The following PCLO variants were observed in gnomAD, a reference collection of about 807,000 sequenced individuals.
PCLO encodes protein piccolo.
A neutral mutation model predicts 427.5 loss-of-function variants in PCLO; 82 were observed. That is an observed-to-expected ratio of 0.19 (90% CI 0.16 to 0.23). The LOEUF is 0.23. PCLO is among the 10% of genes least tolerant of loss of function. PCLO has a pLI of 1.00. For missense variants in PCLO, 6,239 were observed against 6,115.9 expected (o/e 1.02, Z -0.67); for synonymous variants, 2,357 against 2,155.4 (o/e 1.09, Z -2.59).
intron 3 of PCLO, among the ~76,000 whole-genome samples, chr7:82,998,565 C>T (rs1248654127): frequency 1.3e-5 from 2 of 151,842 alleles, no homozygotes; most frequent in African/African-American, 4.8e-5. Flanking sequence ...CCAGGCCTCT[C>T]TAGATATCCT....
chr7:82,938,467 C>CA (rs1335149024), intron 6 of PCLO, among the ~76,000 whole-genome samples: 1 of 151,880 alleles, frequency 6.6e-6, no homozygotes, highest in African/African-American at 2.4e-5. Context: ...TTTAGTCTCT[C>CA]AATGTCAAGT....
intron 20 of PCLO, among the ~76,000 whole-genome samples, chr7:82,808,226 C>T (rs868060742): frequency 1.1e-4 from 16 of 151,638 alleles, no homozygotes; most frequent in African/African-American, 3.1e-4. Context: ...CAAAGATAAA[C>T]CTTAATTATT....
At chr7:82,782,590 T>G (rs1790896137) in intron 22 of PCLO, among the ~76,000 whole-genome samples, 1 of 152,174 alleles carries the variant, frequency 6.6e-6, no homozygotes, top group Non-Finnish European at 1.5e-5. Context: ...CTGGAAATAG[T>G]TTTCATGTCA....
intron 3 of PCLO, among the ~76,000 whole-genome samples, chr7:82,990,199 T>C (rs41565): frequency 0.74 from 112,345 of 151,552 alleles, 42,028 homozygotes; most frequent in East Asian, 0.92. Flanking sequence ...TATACAAGAC[T>C]ATTGAGGATC....
chr7:83,019,187 G>A (rs183938881), intron 3 of PCLO, among the ~76,000 whole-genome samples: 15 of 152,114 alleles, frequency 9.9e-5, no homozygotes, highest in Admixed American at 9.8e-4. Context: ...AAATGTTAAA[G>A]AATTTTTAGT....
Position 82,841,472 on chromosome 7 carries a change from G to A in PCLO, c.14084C>T (p.Thr4695Ile). 1 of 1,599,518 alleles carries A rather than the reference G, an allele frequency of 6.3e-7. No individual in the cohort carries two copies. Among genetic ancestry groups the A allele is most frequent in the Non-Finnish European group, 8.6e-7 (1 of 1,167,592 alleles). ...DGTKVVSHPI[T>I]GEIQLQINYD... ...AAAACTTCATACCTGAATTTCTCCT[G>A]TAATTGGATGAGAGACAACCTTTGT... is the stretch of plus-strand genomic sequence containing the variant. Residue 4695 changes from threonine (T) to isoleucine (I), a missense_variant, in exon 14 of 25, where the codon ACA becomes ATA. Transcript: ENST00000333891.
intron 3 of PCLO, among the ~76,000 whole-genome samples, chr7:83,082,518 T>C (rs920576477): frequency 6.6e-6 from 1 of 151,708 alleles, no homozygotes; most frequent in Non-Finnish European, 1.5e-5. Flanking sequence ...GAGGTGGATA[T>C]GAAGAAGGGA....
intron 3 of PCLO, among the ~76,000 whole-genome samples, chr7:82,980,103 AG>A (rs1236138995): frequency 6.6e-6 from 1 of 152,038 alleles, no homozygotes; most frequent in African/African-American, 2.4e-5. Context: ...AGTCACCTGA[AG>A]ATACTTGAGA....
rs376696402 is a variant in PCLO at position 82,901,169 on chromosome 7, T to C, written c.13528+1482A>G. On this transcript the variant is annotated intron_variant, in intron 9 of 24. Transcript: ENST00000333891. ...AAAAGAATGATGCAAGTATGTACCA[T>C]TTAGTACCTCCTCATATTAATGATC... 2.0e-5 allele frequency among the ~76,000 whole-genome samples: 3 copies of C among 152,052 alleles called. 1 individual carries two copies.
chr7:83,160,297 G>T (rs1451863102), intron 1 of PCLO, among the ~76,000 whole-genome samples: 3 of 152,086 alleles, frequency 2.0e-5, no homozygotes, highest in African/African-American at 7.2e-5. Context: ...AAAAACCCAT[G>T]CTGTCAATCT....
intron 3 of PCLO, among the ~76,000 whole-genome samples, chr7:83,031,715 TC>T (rs1329014858): frequency 2.3e-5 from 1 of 42,852 alleles, no homozygotes; most frequent in Non-Finnish European, 1.0e-4. Context: ...AGTCTTAATC[TC>T]TCTCTCTCTC....
At chr7:83,147,068 TA>T (rs554249133) in intron 2 of PCLO, among the ~76,000 whole-genome samples, 16,125 of 131,794 alleles carry the variant, frequency 0.12, 950 homozygotes, top group South Asian at 0.2. Flanking sequence ...AAAAAAAAAA[TA>T]AAAAAAAAAA....
In PCLO at chr7:82,968,689, T is replaced by C. The variant is rs140832975; in HGVS notation, c.3301-2202A>G. Among the ~76,000 whole-genome samples the C allele has an allele frequency of 9.1e-3, 1,383 of 152,128 alleles. 18 individuals carry two copies. Among genetic ancestry groups the C allele is most frequent in the African/African-American group, 0.032 (1,319 of 41,504 alleles). On this transcript the variant is annotated intron_variant, in intron 3 of 24. Coordinates refer to ENST00000333891, the MANE Select transcript of PCLO (RefSeq NM_033026.6). Reference sequence around the variant, plus strand: ...TACACGCCACCATACCCAGCTATTTTTTGCATTTTTAGTAGAGACGGGGTT... The same window carrying C: ...TACACGCCACCATACCCAGCTATTTCTTGCATTTTTAGTAGAGACGGGGTT...
intron 3 of PCLO, among the ~76,000 whole-genome samples, chr7:83,038,452 G>T (rs1274283988): frequency 1.3e-5 from 2 of 151,614 alleles, no homozygotes; most frequent in Non-Finnish European, 1.5e-5. Flanking sequence ...GATAATGCTG[G>T]ACATTTTATA....
chr7:82,839,893 G>T (rs1792324027), intron 14 of PCLO, among the ~76,000 whole-genome samples: 2 of 151,168 alleles, frequency 1.3e-5, no homozygotes, highest in African/African-American at 4.9e-5. Flanking sequence ...ATGAGCCTTT[G>T]CTAAAATAAA....
chr7:83,129,409 A>C (rs1266394565), intron 3 of PCLO, among the ~76,000 whole-genome samples: 2 of 152,314 alleles, frequency 1.3e-5, no homozygotes, highest in East Asian at 3.9e-4. Flanking sequence ...GTAATCAAAA[A>C]TATAAGGCAA....
chr7:82,768,243 C>T (rs554338345), intron 22 of PCLO, among the ~76,000 whole-genome samples: 28 of 151,814 alleles, frequency 1.8e-4, no homozygotes, highest in African/African-American at 6.8e-4. Context: ...GCCAACATGG[C>T]AAAAACCCGT....
chr7:83,016,789 C>T (rs1788219785), intron 3 of PCLO, among the ~76,000 whole-genome samples: 2 of 152,086 alleles, frequency 1.3e-5, no homozygotes, highest in Admixed American at 6.6e-5. Flanking sequence ...ACGCTGCGTA[C>T]TGGGTTTAGC....
rs1373345638 is a variant in PCLO, at chr7:83,134,596, T to C, written c.2954A>G (p.Gln985Arg). The change falls in exon 3 of 25, where the codon CAA becomes CGA. Residue 985 changes from glutamine to arginine, a missense_variant. Physicochemically the swap from Gln to Arg is conservative, Grantham distance 43. Around this residue, in one of 5 missense-constraint regions of PCLO, gnomAD observed 4,677 missense variants for 4,468.4 expected, o/e 1.05. Coordinates refer to ENST00000333891, the MANE Select transcript of PCLO (RefSeq NM_033026.6). ...ACTTTTTGCAGGTGCTGGTGGTGCTTGACCTGTGGATTTGGGTGGCCCTTG... is the reference window on the plus strand; with the variant it reads ...ACTTTTTGCAGGTGCTGGTGGTGCTCGACCTGTGGATTTGGGTGGCCCTTG... ...TSQGPPKSTGQAPPAPAKSIP... is the reference protein window; with the variant it reads ...TSQGPPKSTGRAPPAPAKSIP... 1 of 1,613,806 alleles carries C rather than the reference T, an allele frequency of 6.2e-7. No individual in the cohort carries two copies. The highest frequency in any genetic ancestry group is 1.3e-5 in the African/African-American group (1 of 74,904).
Sources: gnomAD v4.1 joint callset for allele counts (sites outside exome capture counted in the v4.1 genomes callset) on GRCh38, gnomAD v4.1.1 for gene constraint, gnomAD v4.1.1 regional missense constraint, MANE v1.5 for transcripts, NCBI Gene and HGNC (gene_info 2026-07-23, HGNC 2026-07-21) for gene names.